TNFSF18: variants seen among roughly 807,000 people sequenced by gnomAD.
The protein encoded by TNFSF18 is tumor necrosis factor ligand superfamily member 18.
A neutral mutation model predicts 9.6 loss-of-function variants in TNFSF18; 6 were observed. The observed-to-expected ratio is 0.63, with a 90% CI of 0.34 to 1.24. The LOEUF (loss-of-function observed/expected upper bound fraction) is 1.24. TNFSF18 is among the 50% of genes most tolerant of loss of function. The pLI is 0.03. For missense variants in TNFSF18, 210 were observed against 201.0 expected (o/e 1.04, Z -0.27); for synonymous variants, 68 against 71.7 (o/e 0.95, Z 0.26).
chr1:173,042,413 C>A (rs1484018104), intron 2 of TNFSF18, among the ~76,000 whole-genome samples: 1 of 152,048 alleles, frequency 6.6e-6, no homozygotes, highest in Non-Finnish European at 1.5e-5. Context: ...ATGATACTTC[C>A]ATGTTCCTGA....
At chr1:173,046,420 A>G (rs948516361) in intron 1 of TNFSF18, among the ~76,000 whole-genome samples, 1 of 152,186 alleles carries the variant, frequency 6.6e-6, no homozygotes, top group African/African-American at 2.4e-5. Flanking sequence ...TTCCATTTTA[A>G]TCTATATTTG....
intron 1 of TNFSF18, among the ~76,000 whole-genome samples, chr1:173,046,211 G>T (rs529316103): frequency 6.6e-6 from 1 of 152,170 alleles, no homozygotes; most frequent in African/African-American, 2.4e-5. Flanking sequence ...AGCATTGGAG[G>T]TTTTCCATAG....
At chr1:173,050,580 C>T (rs1226986939) in intron 1 of TNFSF18, among the ~76,000 whole-genome samples, 161 bp downstream of exon 1, 2 of 152,124 alleles carry the variant, frequency 1.3e-5, no homozygotes, top group Non-Finnish European at 2.9e-5. Context: ...AAACTTCAAA[C>T]GCCATGTCAT....
chr1:173,042,236 A>C (rs1024835877), intron 2 of TNFSF18, among the ~76,000 whole-genome samples: 8 of 152,158 alleles, frequency 5.3e-5, no homozygotes, highest in African/African-American at 1.9e-4. Flanking sequence ...GTCAGTGTCT[A>C]GGATGTTATA....
chr1:173,044,262 C>CG (rs386368763), intron 1 of TNFSF18, among the ~76,000 whole-genome samples: 1 of 151,602 alleles, frequency 6.6e-6, no homozygotes, highest in East Asian at 1.9e-4. Context: ...CGGACCCCCC[C>CG]CCCAACCTTG....
intron 1 of TNFSF18, among the ~76,000 whole-genome samples, chr1:173,049,634 C>A (rs1287315715): frequency 6.6e-6 from 1 of 152,066 alleles, no homozygotes; most frequent in Non-Finnish European, 1.5e-5. Flanking sequence ...TTCTCAATTA[C>A]TTTTACTTAT....
Position 173,040,086 on chromosome 1 carries a change from T to C in TNFSF18, c.*1281A>G, listed in dbSNP as rs1285904125. 6.6e-6 allele frequency: 1 copy of C among 151,960 alleles called. No homozygotes were observed. The highest frequency in any genetic ancestry group is 1.5e-5 in the Non-Finnish European group (1 of 68,012). The allele number at this position is 151,960 out of a possible 1,614,324, so 9.4% of individuals were successfully genotyped here. On this transcript the variant is annotated 3_prime_UTR_variant, in exon 3 of 3. Coordinates refer to ENST00000404377, the MANE Select transcript of TNFSF18 (RefSeq NM_005092.4). ...AACCTGCAAGTAGCTAATTTAAGAG[T>C]CCAAAAATTTTGAATTAGTGCTATT...
In TNFSF18 at chr1:173,039,889, C is replaced by T. The variant is rs1168374224; in HGVS notation, c.*1478G>A. 6.6e-6 allele frequency: 1 copy of T among 151,916 alleles called. No individual in the cohort carries two copies. Among genetic ancestry groups the T allele is most frequent in the Non-Finnish European group, 1.5e-5 (1 of 67,992 alleles). 9.4% of individuals were successfully genotyped at this position (151,916 alleles called of 1,614,324 possible). A position where few individuals can be genotyped will look rare whatever the true frequency, so the allele number is the denominator to read the frequency against. On this transcript the variant is annotated 3_prime_UTR_variant, in exon 3 of 3. Coordinates refer to ENST00000404377, the MANE Select transcript of TNFSF18 (RefSeq NM_005092.4). Reference sequence around the variant, plus strand: ...TTTAAAAAGTCATACTAAGAAACAACTTGGCCTCAGGCTTAGCATGCTCCT... The same window carrying T: ...TTTAAAAAGTCATACTAAGAAACAATTTGGCCTCAGGCTTAGCATGCTCCT...
intron 2 of TNFSF18, among the ~76,000 whole-genome samples, chr1:173,043,449 ACT>A (rs1229149398): frequency 1.3e-5 from 2 of 152,164 alleles, no homozygotes; most frequent in Non-Finnish European, 2.9e-5. Flanking sequence ...AGGGAAAATG[ACT>A]CAGAAGCTAA....
rs1482053522 is a variant in TNFSF18 at position 173,041,195 on chromosome 1, CCT to C, written c.*170_*171del. The C allele has an allele frequency of 8.8e-6, 5 of 567,348 alleles. No homozygotes were observed. The highest frequency in any genetic ancestry group is 4.6e-4 in the Middle Eastern group (1 of 2,162). 35.1% of individuals were successfully genotyped at this position (567,348 alleles called of 1,614,324 possible). On this transcript the variant is annotated 3_prime_UTR_variant, in exon 3 of 3. Coordinates refer to ENST00000404377, the MANE Select transcript of TNFSF18 (RefSeq NM_005092.4). Reference sequence around the variant, plus strand: ...CCAACCAAAAGTCTTTGGCTCTTCCCCTGAGTCTCTTTCAGATAGGCATGATA... The same window carrying C: ...CCAACCAAAAGTCTTTGGCTCTTCCCGAGTCTCTTTCAGATAGGCATGATA...
intron 1 of TNFSF18, among the ~76,000 whole-genome samples, chr1:173,044,595 G>A (rs1408124240): frequency 1.3e-5 from 2 of 152,218 alleles, no homozygotes; most frequent in Non-Finnish European, 2.9e-5. Flanking sequence ...AGTAGTTAAT[G>A]CTAAATGCTC....
In TNFSF18 at chr1:173,041,389, G is replaced by T. The variant is rs1664987312; in HGVS notation, c.512C>A (p.Ala171Glu). ...TCTCTAGGAGATGAATTGGGGATTTGCTAGTAAAATGATACCCCAGTATGT... is the reference window on the plus strand; with the variant it reads ...TCTCTAGGAGATGAATTGGGGATTTTCTAGTAAAATGATACCCCAGTATGT... ...NNTYWGIILL[A>E]NPQFIS The change falls in exon 3 of 3, where the codon GCA becomes GAA. Residue 171 changes from alanine (A) to glutamate (E), a missense_variant. Coordinates refer to ENST00000404377, the MANE Select transcript of TNFSF18 (RefSeq NM_005092.4). 1.2e-6 allele frequency: 2 copies of T among 1,609,240 alleles called. No individual in the cohort carries two copies. Among genetic ancestry groups the T allele is most frequent in the Non-Finnish European group, 1.7e-6 (2 of 1,177,384 alleles).
chr1:173,044,025 T>C lies in TNFSF18; in HGVS notation c.157-56A>G, dbSNP rs139104432. 4.7e-6 allele frequency: 7 copies of C among 1,492,796 alleles called. No homozygotes were observed. In the East Asian group the frequency reaches 1.6e-4, roughly 34 times the overall value. 92.5% of individuals were successfully genotyped at this position (1,492,796 alleles called of 1,614,324 possible). A position where few individuals can be genotyped will look rare whatever the true frequency, so the allele number is the denominator to read the frequency against. Reference sequence around the variant, plus strand: ...GGATGATGACAGTGTCATTAATTTTTTTGATTGATTTATTTAGAGCTTTGA... The same window carrying C: ...GGATGATGACAGTGTCATTAATTTTCTTGATTGATTTATTTAGAGCTTTGA... On this transcript the variant is annotated intron_variant, in intron 1 of 2. Transcript: ENST00000404377.
intron 1 of TNFSF18, among the ~76,000 whole-genome samples, chr1:173,050,198 G>C (rs1377977850): frequency 1.3e-5 from 2 of 152,108 alleles, no homozygotes; most frequent in African/African-American, 4.8e-5. Context: ...CTGCAAACTA[G>C]AGAGATTAAA....
rs1664988215 is a variant in TNFSF18 at position 173,041,426 on chromosome 1, G to A, written c.475C>T (p.Leu159=). ...DLIFNSEHQV[L]KNNTYWGIIL... ...ATACCCCAGTATGTATTATTTTTTA[G>A]AACCTGATGCTCAGAGTTGAATATC... The change falls in exon 3 of 3, where the codon CTA becomes TTA. Residue 159 remains leucine (L), a synonymous_variant. Transcript: ENST00000404377. The A allele has an allele frequency of 5.0e-6, 8 of 1,613,208 alleles. No homozygotes were observed. The South Asian group carries it at 6.6e-5, about 13-fold the overall frequency.
intron 1 of TNFSF18, among the ~76,000 whole-genome samples, chr1:173,046,103 G>A (rs1665078369): frequency 6.6e-6 from 1 of 152,172 alleles, no homozygotes; most frequent in African/African-American, 2.4e-5. Flanking sequence ...CCACTTGAAG[G>A]CAGTGGCTGT....
intron 1 of TNFSF18, among the ~76,000 whole-genome samples, chr1:173,047,784 G>A (rs188788609): frequency 1.1e-4 from 16 of 152,096 alleles, no homozygotes; most frequent in Admixed American, 5.9e-4. Flanking sequence ...TCTATTTAGC[G>A]CTACAGAGAC....
rs1257952912 is a variant in TNFSF18, at chr1:173,041,596, G to T, written c.305C>A (p.Ala102Asp). The part of the protein sequence containing the change: ...NGLYLIYGQV[A>D]PNANYNDVAP... ...TACATCATTGTAGTTTGCATTGGGA[G>T]CCACTTGGCCATAAATTAAATATAA... is the stretch of plus-strand genomic sequence containing the variant. The change falls in exon 3 of 3, where the codon GCT becomes GAT. Residue 102 changes from alanine (A) to aspartate (D), a missense_variant. Physicochemically the swap from Ala to Asp is moderately radical, Grantham distance 126 (BLOSUM62 -2). Coordinates refer to ENST00000404377, the MANE Select transcript of TNFSF18 (RefSeq NM_005092.4). The T allele has an allele frequency of 6.2e-6, 10 of 1,613,492 alleles. No individual in the cohort carries two copies. In the Admixed American group the frequency reaches 1.7e-4, roughly 27 times the overall value.
chr1:173,043,897 A>C, intron 2 of TNFSF18, 42 bp downstream of exon 2: 6 of 1,582,968 alleles, frequency 3.8e-6, no homozygotes, highest in Non-Finnish European at 5.2e-6. Context: ...TCTTGCATCA[A>C]AAACTAAGAA....
Sources: allele counts gnomAD v4.1 joint callset (sites outside exome capture counted in the v4.1 genomes callset), GRCh38; gene constraint gnomAD v4.1.1; transcripts MANE v1.5; gene names NCBI Gene and HGNC (gene_info 2026-07-23, HGNC 2026-07-21).